PTPRD: variants seen among roughly 807,000 people sequenced by gnomAD.
PTPRD encodes the protein receptor-type tyrosine-protein phosphatase delta.
A neutral mutation model predicts 214.5 loss-of-function variants in PTPRD; 34 were observed. That is an observed-to-expected ratio of 0.16 (90% CI 0.12 to 0.21). The LOEUF (loss-of-function observed/expected upper bound fraction) is 0.21. Ranked by LOEUF, PTPRD falls within the 10% of genes least tolerant of loss-of-function variation. The probability of loss-of-function intolerance (pLI) is 1.00; values close to 1 mark genes in which losing one functional copy is unlikely to be tolerated. For synonymous variants in PTPRD, 1,128 were observed against 845.7 expected, an observed-to-expected ratio of 1.33 and a Z score of -5.79; for missense variants, 2,545 against 2,398.7, an observed-to-expected ratio of 1.06 and a Z score of -1.27.
At chr9:10,035,724 A>C (rs890532942) in intron 3 of PTPRD, among the ~76,000 whole-genome samples, 3 of 151,858 alleles carry the variant, frequency 2.0e-5, no homozygotes. Context: ...CATTTCCCCC[A>C]ACCCAAATGT....
chr9:8,509,384 C>T (rs1221202568), intron 21 of PTPRD, among the ~76,000 whole-genome samples: 2 of 152,164 alleles, frequency 1.3e-5, no homozygotes, highest in East Asian at 3.8e-4. Context: ...GCTAAAAATG[C>T]ACACATATGC....
chr9:8,659,686 T>C (rs113153004), intron 12 of PTPRD, among the ~76,000 whole-genome samples: 2,473 of 152,262 alleles, frequency 0.016, 32 homozygotes, highest in Non-Finnish European at 0.026. Context: ...AGGAAGGAAA[T>C]CCTTAAAGCA....
chr9:9,348,196 T>C (rs2049657534), intron 9 of PTPRD, among the ~76,000 whole-genome samples: 1 of 152,164 alleles, frequency 6.6e-6, no homozygotes, highest in Non-Finnish European at 1.5e-5. Context: ...GTTACCTTTT[T>C]ATATAGGTGA....
At chr9:10,299,952 T>G (rs2095810059) in intron 3 of PTPRD, among the ~76,000 whole-genome samples, 1 of 152,192 alleles carries the variant, frequency 6.6e-6, no homozygotes, top group Non-Finnish European at 1.5e-5. Flanking sequence ...TGTACTAATC[T>G]GACTCACTAT....
At chr9:9,926,657 G>A (rs926673892) in intron 5 of PTPRD, among the ~76,000 whole-genome samples, 2 of 152,150 alleles carry the variant, frequency 1.3e-5, no homozygotes, top group Admixed American at 1.3e-4. Context: ...ATGACTTATT[G>A]TTGACAAAAA....
chr9:9,249,842 G>C (rs556636634), intron 9 of PTPRD, among the ~76,000 whole-genome samples: 3 of 152,142 alleles, frequency 2.0e-5, no homozygotes, highest in Admixed American at 2.0e-4. Flanking sequence ...TGAAAAGAAA[G>C]GATTAAATAT....
Position 8,717,845 on chromosome 9 carries a change from C to A in PTPRD, c.64+15935G>T, listed in dbSNP as rs1371335192. Among the ~76,000 whole-genome samples, 4 of 152,320 alleles carry A rather than the reference C, an allele frequency of 2.6e-5. No homozygotes were observed. The East Asian group carries it at 5.8e-4, about 22-fold the overall frequency. Reference sequence around the variant, plus strand: ...CCACAATTTCTCTGTCTCCGGCACACCTATGAACATTCCCTGTAAATTCCA... The same window carrying A: ...CCACAATTTCTCTGTCTCCGGCACAACTATGAACATTCCCTGTAAATTCCA... On this transcript the variant is annotated intron_variant, in intron 12 of 45. Coordinates refer to ENST00000381196, the MANE Select transcript of PTPRD (RefSeq NM_002839.4).
At chr9:9,307,550 A>C (rs1957519969) in intron 9 of PTPRD, among the ~76,000 whole-genome samples, 1 of 151,990 alleles carries the variant, frequency 6.6e-6, no homozygotes, top group Non-Finnish European at 1.5e-5. Context: ...TATATCACTA[A>C]TCTCATGTCT....
intron 7 of PTPRD, among the ~76,000 whole-genome samples, chr9:9,629,608 G>C (rs1156552778): frequency 6.6e-6 from 1 of 152,136 alleles, no homozygotes; most frequent in South Asian, 2.1e-4. Context: ...TTCTGCACCA[G>C]AATTACTGAG....
chr9:8,931,113 T>G (rs1467035009), intron 11 of PTPRD, among the ~76,000 whole-genome samples: 1 of 152,112 alleles, frequency 6.6e-6, no homozygotes, highest in East Asian at 1.9e-4. Context: ...TTTAAGTCTT[T>G]AATCCATCTT....
rs112771739 is a variant in PTPRD at position 10,200,095 on chromosome 9, T to A, written c.-545+140868A>T. Among the ~76,000 whole-genome samples the A allele has an allele frequency of 2.4e-3, 368 of 152,250 alleles. 2 individuals are homozygous for A. Among genetic ancestry groups the A allele is most frequent in the African/African-American group, 8.4e-3 (351 of 41,560 alleles). ...ATGTAATATTAGTGATCAACACATT[T>A]TGTGACGTGCAATATGTACTTCTGA... On this transcript the variant is annotated intron_variant, in intron 3 of 45. Transcript: ENST00000381196.
chr9:9,219,968 C>G (rs1017207793), intron 9 of PTPRD, among the ~76,000 whole-genome samples: 2 of 152,106 alleles, frequency 1.3e-5, no homozygotes, highest in East Asian at 1.9e-4. Context: ...TTGATACGGA[C>G]TTTTCACAGT....
intron 14 of PTPRD, among the ~76,000 whole-genome samples, chr9:8,632,212 G>T (rs927826138): frequency 1.3e-5 from 2 of 150,948 alleles, no homozygotes; most frequent in African/African-American, 4.9e-5. Context: ...ACTAATTACT[G>T]CTGGCCTCCA....
At chr9:10,243,378 G>C (rs547636080) in intron 3 of PTPRD, among the ~76,000 whole-genome samples, 1 of 151,816 alleles carries the variant, frequency 6.6e-6, no homozygotes, top group African/African-American at 2.4e-5. Context: ...TGTCTACCTT[G>C]TGTATTGCAA....
In PTPRD at chr9:9,673,684, A is replaced by G. The variant is rs13302353; in HGVS notation, c.-287+60849T>C. 5.9e-5 allele frequency among the ~76,000 whole-genome samples: 9 copies of G among 151,786 alleles called. No homozygotes were observed. The South Asian group carries it at 1.7e-3, about 28-fold the overall frequency. ...CAATGAAAATTAAAAATCTATAGAT[A>G]CAGGAATCAAAACCTATATTGAGAA... On this transcript the variant is annotated intron_variant, in intron 7 of 45. Transcript: ENST00000381196.
intron 2 of PTPRD, among the ~76,000 whole-genome samples, chr9:10,469,301 C>T (rs1230931028): frequency 6.6e-6 from 1 of 152,096 alleles, no homozygotes; most frequent in Non-Finnish European, 1.5e-5. Context: ...TTTTAAAAGT[C>T]AGCATTTATA....
intron 4 of PTPRD, among the ~76,000 whole-genome samples, chr9:9,998,119 A>T (rs1321473927): frequency 7.2e-5 from 4 of 55,870 alleles, no homozygotes; most frequent in East Asian, 2.7e-4. Flanking sequence ...GTATAATAAA[A>T]AAAAAAAAAA....
chr9:9,739,625 A>AC lies in PTPRD; in HGVS notation c.-325-5055_-325-5054insG, dbSNP rs1554950141. 1.2e-3 allele frequency among the ~76,000 whole-genome samples: 186 copies of AC among 151,772 alleles called. 1 individual carries two copies. The highest frequency in any genetic ancestry group is 4.1e-3 in the African/African-American group (171 of 41,488). On this transcript the variant is annotated intron_variant, in intron 6 of 45. Transcript: ENST00000381196. ...GCATCACTGTCACTTTCATCAGTTT[A>AC]TTTAAAAAAAAAAGCCAGTTGTGGT...
At chr9:10,039,057 G>T (rs1270085249) in intron 3 of PTPRD, among the ~76,000 whole-genome samples, 1 of 151,910 alleles carries the variant, frequency 6.6e-6, no homozygotes, top group Non-Finnish European at 1.5e-5. Context: ...TTTTTAATTG[G>T]CTACATGAAA....
Sources: allele counts gnomAD v4.1 joint callset (sites outside exome capture counted in the v4.1 genomes callset), GRCh38; gene constraint gnomAD v4.1.1; transcripts MANE v1.5; gene names NCBI Gene and HGNC (gene_info 2026-07-23, HGNC 2026-07-21).